EPHB1: variants seen among roughly 807,000 people sequenced by gnomAD.
EPHB1 encodes EPH receptor B1.
Under a neutral mutation model 94.4 loss-of-function variants are expected in EPHB1, and 30 were observed. The observed-to-expected ratio is 0.32, with a 90% confidence interval of 0.24 to 0.43. The LOEUF (loss-of-function observed/expected upper bound fraction) is 0.43, where lower values mean the gene tolerates loss of function less well. Ranked by LOEUF, EPHB1 falls within the 20% of genes least tolerant of loss-of-function variation. EPHB1 has a pLI of 1.00. For synonymous variants in EPHB1, 522 were observed against 489.1 expected, an observed-to-expected ratio of 1.07 and a Z score of -0.89; for missense variants, 1,055 against 1,308.3, an observed-to-expected ratio of 0.81 and a Z score of 2.99.
intron 3 of EPHB1, among the ~76,000 whole-genome samples, chr3:135,097,208 T>C (rs1938834288): frequency 7.6e-6 from 1 of 131,218 alleles, no homozygotes; most frequent in Non-Finnish European, 1.6e-5. Flanking sequence ...TTTTAGTCCA[T>C]AGCACTGCTG....
intron 1 of EPHB1, among the ~76,000 whole-genome samples, chr3:134,813,532 C>T (rs1364391393): frequency 6.6e-6 from 1 of 152,104 alleles, no homozygotes. Context: ...AGGAAGCACC[C>T]CCTAGCCCAG....
At chr3:134,906,706 G>A (rs2038338732) in intron 1 of EPHB1, among the ~76,000 whole-genome samples, 1 of 152,220 alleles carries the variant, frequency 6.6e-6, no homozygotes, top group South Asian at 2.1e-4. Flanking sequence ...CCAGCCGCCA[G>A]AGCAGACCAT....
intron 4 of EPHB1, among the ~76,000 whole-genome samples, chr3:135,129,927 AG>A (rs1246830156): frequency 6.6e-6 from 1 of 152,150 alleles, no homozygotes; most frequent in African/African-American, 2.4e-5. Context: ...CCAAAATATG[AG>A]GGGTGAAGGT....
At chr3:135,188,086 C>T (rs1335113492) in intron 10 of EPHB1, among the ~76,000 whole-genome samples, 1 of 151,864 alleles carries the variant, frequency 6.6e-6, no homozygotes, top group Non-Finnish European at 1.5e-5. Flanking sequence ...GTAATCCCAG[C>T]TACTTGGGAG....
intron 1 of EPHB1, among the ~76,000 whole-genome samples, chr3:134,852,226 C>T (rs1185570290): frequency 6.6e-6 from 1 of 152,150 alleles, no homozygotes; most frequent in African/African-American, 2.4e-5. Flanking sequence ...CCCCACCCCT[C>T]TGGCAGTCTG....
chr3:134,991,645 G>T (rs759002597), intron 3 of EPHB1, among the ~76,000 whole-genome samples: 1 of 152,128 alleles, frequency 6.6e-6, no homozygotes, highest in African/African-American at 2.4e-5. Context: ...TTGCCCCAGT[G>T]CAAACACTCT....
rs375518376 is a variant in EPHB1, at chr3:135,132,961, C to T, written c.1209C>T (p.Thr403=). The T allele has an allele frequency of 2.4e-5, 39 of 1,613,858 alleles. No homozygotes were observed. Among genetic ancestry groups the T allele is most frequent in the East Asian group, 6.7e-5 (3 of 44,888 alleles). The change falls in exon 5 of 16, where the codon ACC becomes ACT. Residue 403 remains threonine (T), a synonymous_variant. Coordinates refer to ENST00000398015, the MANE Select transcript of EPHB1 (RefSeq NM_004441.5). ...GCCTGTGGGCCCACACCCCCTACAC[C>T]TTTGACATCCAGGCCATCAATGGAG... ...ISSLWAHTPY[T]FDIQAINGVS...
intron 3 of EPHB1, among the ~76,000 whole-genome samples, chr3:134,970,385 C>A (rs1431009117): frequency 1.3e-5 from 2 of 152,196 alleles, no homozygotes; most frequent in African/African-American, 4.8e-5. Flanking sequence ...TTTTTCCAAG[C>A]CTTTACTTGA....
chr3:135,185,332 G>C (rs1017331851), intron 10 of EPHB1, among the ~76,000 whole-genome samples: 1 of 152,202 alleles, frequency 6.6e-6, no homozygotes, highest in African/African-American at 2.4e-5. Flanking sequence ...GTCATTCAGA[G>C]TGCAGATGGA....
intron 1 of EPHB1, chr3:134,796,211 GAGA>G (rs1339760116): frequency 1.2e-5 from 2 of 164,164 alleles, no homozygotes; most frequent in Non-Finnish European, 2.6e-5. Context: ...GCGGGGGCCG[GAGA>G]AGCTCTGCCG....
At chr3:134,823,558 C>G (rs1177603940) in intron 1 of EPHB1, among the ~76,000 whole-genome samples, 2 of 152,190 alleles carry the variant, frequency 1.3e-5, no homozygotes, top group African/African-American at 4.8e-5. Flanking sequence ...AAAGGCTACG[C>G]ACTATCATTT....
intron 15 of EPHB1, among the ~76,000 whole-genome samples, chr3:135,257,136 T>C (rs1378110009): frequency 1.3e-5 from 2 of 151,026 alleles, no homozygotes; most frequent in Non-Finnish European, 3.0e-5. Context: ...TTTTCAAAGG[T>C]TTCAACTTCT....
intron 4 of EPHB1, among the ~76,000 whole-genome samples, chr3:135,124,183 C>T (rs948646831): frequency 1.3e-5 from 2 of 151,710 alleles, no homozygotes; most frequent in African/African-American, 4.9e-5. Flanking sequence ...TTGCACATGC[C>T]GGTCCTTTGG....
chr3:135,253,972 G>A (rs1287895119), intron 15 of EPHB1, among the ~76,000 whole-genome samples: 1 of 138,268 alleles, frequency 7.2e-6, no homozygotes, highest in Non-Finnish European at 1.6e-5. Context: ...TCTCTTTGAA[G>A]CAATTGTGAA....
At chr3:134,875,049 T>C (rs956627988) in intron 1 of EPHB1, among the ~76,000 whole-genome samples, 2 of 152,210 alleles carry the variant, frequency 1.3e-5, no homozygotes, top group African/African-American at 4.8e-5. Flanking sequence ...TCCGGGGTAC[T>C]TTCTAGAGCT....
chr3:134,857,185 G>C (rs939924522), intron 1 of EPHB1, among the ~76,000 whole-genome samples: 3 of 152,212 alleles, frequency 2.0e-5, no homozygotes, highest in African/African-American at 7.2e-5. Context: ...GGGAGGCCAA[G>C]TGCTGACCCC....
At chr3:135,240,699 C>T (rs1943762609) in intron 12 of EPHB1, among the ~76,000 whole-genome samples, 1 of 152,212 alleles carries the variant, frequency 6.6e-6, no homozygotes, top group Non-Finnish European at 1.5e-5. Context: ...CTCCAGGAGG[C>T]ATGCTTCATC....
chr3:135,088,984 T>A (rs1938464641), intron 3 of EPHB1, among the ~76,000 whole-genome samples: 1 of 152,204 alleles, frequency 6.6e-6, no homozygotes, highest in African/African-American at 2.4e-5. Flanking sequence ...AACAACTCTA[T>A]GAGACAGGGA....
At chr3:135,096,934 T>A (rs574446807) in intron 3 of EPHB1, among the ~76,000 whole-genome samples, 129 of 151,566 alleles carry the variant, frequency 8.5e-4, no homozygotes, top group South Asian at 1.5e-3. Context: ...CGTCTCTACT[T>A]AAAAAACAAA....
Sources: gnomAD v4.1 joint callset for allele counts (sites outside exome capture counted in the v4.1 genomes callset) on GRCh38, gnomAD v4.1.1 for gene constraint, MANE v1.5 for transcripts, NCBI Gene and HGNC (gene_info 2026-07-23, HGNC 2026-07-21) for gene names.